Variants in UBE2K observed in about 807,000 individuals in gnomAD.
The protein encoded by UBE2K is ubiquitin conjugating enzyme E2 K.
Under a neutral mutation model 30.0 loss-of-function variants are expected in UBE2K, and 6 were observed. That is an observed-to-expected ratio of 0.20 (90% CI 0.11 to 0.39). The LOEUF (loss-of-function observed/expected upper bound fraction) is 0.39. Ranked by LOEUF, UBE2K falls within the 10% of genes least tolerant of loss-of-function variation. UBE2K has a pLI of 1.00. For missense variants in UBE2K, 61 were observed against 241.6 expected, an observed-to-expected ratio of 0.25 and a Z score of 4.96; for synonymous variants, 86 against 83.7, an observed-to-expected ratio of 1.03 and a Z score of -0.15.
intron 4 of UBE2K, among the ~76,000 whole-genome samples, chr4:39,771,718 T>C (rs1363632844): frequency 6.6e-6 from 1 of 152,158 alleles, no homozygotes; most frequent in East Asian, 1.9e-4. Flanking sequence ...GAGTTTCTGA[T>C]TCAGTAGCTC....
At chr4:39,732,625 A>G (rs931609655) in intron 1 of UBE2K, among the ~76,000 whole-genome samples, 1 of 150,972 alleles carries the variant, frequency 6.6e-6, no homozygotes, top group Non-Finnish European at 1.5e-5. Flanking sequence ...GTATATCTTA[A>G]TAAAATAGTT....
At chr4:39,717,189 T>G (rs1719123608) in intron 1 of UBE2K, among the ~76,000 whole-genome samples, 1 of 151,950 alleles carries the variant, frequency 6.6e-6, no homozygotes, top group African/African-American at 2.4e-5. Flanking sequence ...AGTTTGCTTA[T>G]GTACATTTAT....
At chr4:39,743,311 AAAG>A (rs1425572289) in intron 2 of UBE2K, among the ~76,000 whole-genome samples, 3 of 151,982 alleles carry the variant, frequency 2.0e-5, no homozygotes. Flanking sequence ...GATATATAAA[AAAG>A]AAGAATAGGC....
At chr4:39,762,583 A>T (rs1266838526) in intron 4 of UBE2K, among the ~76,000 whole-genome samples, 1 of 152,208 alleles carries the variant, frequency 6.6e-6, no homozygotes, top group African/African-American at 2.4e-5. Flanking sequence ...GTTTCACATC[A>T]TGAGGGTAGA....
intron 1 of UBE2K, among the ~76,000 whole-genome samples, chr4:39,731,892 CAAAT>C (rs1299568440): frequency 1.3e-5 from 2 of 151,946 alleles, no homozygotes; most frequent in African/African-American, 2.4e-5. Context: ...GACTAGGAAA[CAAAT>C]AATAATTTTT....
At chr4:39,741,772 G>C (rs964162021) in intron 2 of UBE2K, among the ~76,000 whole-genome samples, 2 of 152,024 alleles carry the variant, frequency 1.3e-5, no homozygotes, top group Non-Finnish European at 2.9e-5. Flanking sequence ...ATTTCTTTTA[G>C]GTTTATGGAA....
intron 1 of UBE2K, among the ~76,000 whole-genome samples, chr4:39,723,673 G>A (rs145099498): frequency 0.011 from 1,693 of 152,156 alleles, 38 homozygotes; most frequent in African/African-American, 0.038. Flanking sequence ...TGGCCTGTCT[G>A]CTCTTAAAGA....
chr4:39,708,202 G>C (rs146746058), intron 1 of UBE2K, among the ~76,000 whole-genome samples: 1,711 of 152,124 alleles, frequency 0.011, 41 homozygotes, highest in African/African-American at 0.039. Context: ...GCCTGGCCGA[G>C]ATTCTTAAGT....
chr4:39,765,274 A>G (rs1246896698), intron 4 of UBE2K, among the ~76,000 whole-genome samples: 5 of 152,166 alleles, frequency 3.3e-5, no homozygotes, highest in Non-Finnish European at 7.4e-5. Context: ...CTGTAATCCC[A>G]GCACTTTGGG....
At chr4:39,717,051 A>G (rs1048183276) in intron 1 of UBE2K, among the ~76,000 whole-genome samples, 6 of 150,388 alleles carry the variant, frequency 4.0e-5, no homozygotes, top group Non-Finnish European at 8.8e-5. Context: ...CAGTAGTCCT[A>G]AACTACTCTG....
chr4:39,720,662 T>C (rs1719369339), intron 1 of UBE2K, among the ~76,000 whole-genome samples: 1 of 152,236 alleles, frequency 6.6e-6, no homozygotes. Flanking sequence ...ATGACCATGA[T>C]CAACTCTGTA....
At chr4:39,707,588 C>T (rs1033951183) in intron 1 of UBE2K, among the ~76,000 whole-genome samples, 46 of 150,662 alleles carry the variant, frequency 3.1e-4, no homozygotes, top group African/African-American at 1.1e-3. Flanking sequence ...GGGGCACAAT[C>T]ATAGCTCATT....
At chr4:39,719,493 C>CT (rs1719302324) in intron 1 of UBE2K, among the ~76,000 whole-genome samples, 1 of 152,098 alleles carries the variant, frequency 6.6e-6, no homozygotes, top group South Asian at 2.1e-4. Context: ...TGATAGGTAT[C>CT]TAATTTTGAG....
At chr4:39,725,491 C>T (rs1719704110) in intron 1 of UBE2K, among the ~76,000 whole-genome samples, 2 of 150,356 alleles carry the variant, frequency 1.3e-5, no homozygotes, top group African/African-American at 4.9e-5. Context: ...ACAGTTGCTT[C>T]TCAGTTCACA....
At chr4:39,745,839 G>A (rs767900217) in intron 3 of UBE2K, 29 bp downstream of exon 3, 2 of 1,504,416 alleles carry the variant, frequency 1.3e-6, no homozygotes, top group South Asian at 1.2e-5. Context: ...TGTGCATGAA[G>A]TTACAAAATA....
At chr4:39,769,364 A>G (rs1387172358) in intron 4 of UBE2K, among the ~76,000 whole-genome samples, 2 of 151,278 alleles carry the variant, frequency 1.3e-5, no homozygotes, top group Non-Finnish European at 2.9e-5. Context: ...CCCTCCCAAC[A>G]GCCCTTCTTG....
chr4:39,772,062 C>A (rs1188221715), intron 4 of UBE2K, among the ~76,000 whole-genome samples: 1 of 152,142 alleles, frequency 6.6e-6, no homozygotes, highest in Non-Finnish European at 1.5e-5. Flanking sequence ...GTCTCAAACT[C>A]CTGGCCTCAA....
intron 4 of UBE2K, among the ~76,000 whole-genome samples, chr4:39,771,678 G>A (rs1297236608): frequency 6.6e-6 from 1 of 152,132 alleles, no homozygotes; most frequent in African/African-American, 2.4e-5. Flanking sequence ...CGCGCGCGCG[G>A]CGACGGCGTC....
At chr4:39,764,998 A>G (rs754209389) in intron 4 of UBE2K, among the ~76,000 whole-genome samples, 3 of 150,826 alleles carry the variant, frequency 2.0e-5, no homozygotes, top group African/African-American at 4.9e-5. Context: ...CCATTCTCCT[A>G]CCTCAGCCTC....
Sources: gnomAD v4.1 joint callset for allele counts (sites outside exome capture counted in the v4.1 genomes callset) on GRCh38, gnomAD v4.1.1 for gene constraint, MANE v1.5 for transcripts, NCBI Gene and HGNC (gene_info 2026-07-23, HGNC 2026-07-21) for gene names.